Variants in KIF26B observed in about 807,000 individuals in gnomAD.
KIF26B encodes kinesin-like protein KIF26B.
Under a neutral mutation model 151.2 loss-of-function variants are expected in KIF26B, and 63 were observed. The observed-to-expected ratio is 0.42, with a 90% CI of 0.34 to 0.51. KIF26B has a LOEUF of 0.51. Among genes scored for constraint, KIF26B ranks in the 20% least tolerant of loss-of-function variants. The pLI, the probability that KIF26B is intolerant of heterozygous loss-of-function variation, is 0.07. For missense variants in KIF26B, 2,813 were observed against 2,913.6 expected (o/e 0.97, Z 0.79); for synonymous variants, 1,357 against 1,262.1 (o/e 1.08, Z -1.59).
rs577700349 is a variant in KIF26B at position 245,166,092 on chromosome 1, G to C, written c.465+9409G>C. Reference sequence around the variant, plus strand: ...TGGGCAAGCCTTGGTCTTTCTAAACGTGGTTATTCTCATCTCTACAGTGGG... The same window carrying C: ...TGGGCAAGCCTTGGTCTTTCTAAACCTGGTTATTCTCATCTCTACAGTGGG... On this transcript the variant is annotated intron_variant, in intron 2 of 14. Coordinates refer to ENST00000407071, the MANE Select transcript of KIF26B (RefSeq NM_018012.4). The surrounding 1 kb of genome is among the most constrained non-coding windows in gnomAD (Gnocchi z 4.5). 6.6e-6 allele frequency among the ~76,000 whole-genome samples: 1 copy of C among 152,312 alleles called. No individual in the cohort carries two copies. Among genetic ancestry groups the C allele is most frequent in the African/African-American group, 2.4e-5 (1 of 41,570 alleles).
chr1:245,305,831 G>T (rs533326851), intron 2 of KIF26B, among the ~76,000 whole-genome samples: 1 of 150,698 alleles, frequency 6.6e-6, no homozygotes, highest in African/African-American at 2.4e-5. Flanking sequence ...CCAGCTACTC[G>T]GGAGACTGAG....
intron 9 of KIF26B, among the ~76,000 whole-genome samples, chr1:245,628,503 T>C (rs1328777227): frequency 6.6e-6 from 1 of 152,064 alleles, no homozygotes; most frequent in Non-Finnish European, 1.5e-5. Flanking sequence ...ACAGAACCAA[T>C]GACAAAAACC....
intron 2 of KIF26B, among the ~76,000 whole-genome samples, chr1:245,307,942 A>G (rs756742778): frequency 6.6e-6 from 1 of 152,158 alleles, no homozygotes; most frequent in Non-Finnish European, 1.5e-5. Flanking sequence ...GGGTTTTACC[A>G]TGTTGGCCAG....
At chr1:245,456,673 T>G (rs1415879465) in intron 4 of KIF26B, among the ~76,000 whole-genome samples, 6 of 152,198 alleles carry the variant, frequency 3.9e-5, no homozygotes, top group African/African-American at 1.4e-4. Flanking sequence ...TTTTAAGAAC[T>G]CTAGGATTCT....
rs891173512 is a variant in KIF26B at position 245,156,416 on chromosome 1, G to A, written c.198G>A (p.Ser66=). The A allele has an allele frequency of 9.1e-6, 14 of 1,531,758 alleles. No homozygotes were observed. In the African/African-American group the frequency reaches 1.8e-4, roughly 20 times the overall value. The allele number at this position is 1,531,758 out of a possible 1,614,324, so 94.9% of individuals were successfully genotyped here. The change falls in exon 2 of 15, where the codon TCG becomes TCA. Residue 66 remains serine (S), a synonymous_variant. Coordinates refer to ENST00000407071, the MANE Select transcript of KIF26B (RefSeq NM_018012.4). ...GCGCGGGCTCAGCGCTCGGCTCCTC[G>A]GGGACCCCGTCTCCCGGCTCGGGCA... The part of the protein sequence containing the change: ...PEGAGSALGS[S]GTPSPGSGTS...
At chr1:245,537,906 G>A (rs1325547311) in intron 4 of KIF26B, among the ~76,000 whole-genome samples, 1 of 152,172 alleles carries the variant, frequency 6.6e-6, no homozygotes, top group Non-Finnish European at 1.5e-5. Context: ...TAGGCATTAA[G>A]GATGTTATTT....
rs769840833 is a variant in KIF26B, at chr1:245,419,709, C to T, written c.1130C>T (p.Ser377Phe). 1.2e-6 allele frequency: 2 copies of T among 1,613,414 alleles called. No homozygotes were observed. Among genetic ancestry groups the T allele is most frequent in the Non-Finnish European group, 1.7e-6 (2 of 1,179,600 alleles). ...SQGSCVASET[S>F]TGTSVAASFF... is the part of the protein sequence containing the mutation. ...GGCTCCTGCGTGGCCAGCGAGACTTCCACAGGCACATCGGTGGCCGCCTCC... is the reference window on the plus strand; with the variant it reads ...GGCTCCTGCGTGGCCAGCGAGACTTTCACAGGCACATCGGTGGCCGCCTCC... The change falls in exon 4 of 15, where the codon TCC becomes TTC. Residue 377 changes from serine to phenylalanine, a missense_variant. Around this residue, in one of 3 missense-constraint regions of KIF26B, gnomAD observed 676 missense variants for 688.1 expected, o/e 0.98. Transcript: ENST00000407071.
At position 245,201,876 on chromosome 1, in the gene KIF26B, G is replaced by C. The variant is rs192029083; in HGVS notation, c.465+45193G>C. 1.9e-4 allele frequency among the ~76,000 whole-genome samples: 29 copies of C among 152,300 alleles called. No individual in the cohort carries two copies. In the East Asian group the frequency reaches 4.1e-3, roughly 21 times the overall value. On this transcript the variant is annotated intron_variant, in intron 2 of 14. Transcript: ENST00000407071. ...AGCACAGGAGTACGACTGTATTTGA[G>C]GAGGCAGCTTGACTTCATGCTCCAG...
intron 5 of KIF26B, among the ~76,000 whole-genome samples, chr1:245,593,297 T>A (rs1052847881): frequency 6.6e-6 from 1 of 152,106 alleles, no homozygotes; most frequent in African/African-American, 2.4e-5. Context: ...CATTAGGTAT[T>A]TCTCCTAATG....
chr1:245,299,170 T>C (rs1410229958), intron 2 of KIF26B, among the ~76,000 whole-genome samples: 1 of 152,198 alleles, frequency 6.6e-6, no homozygotes, highest in Non-Finnish European at 1.5e-5. Flanking sequence ...ATTGTTTTTA[T>C]TCTGTTCCTT....
intron 2 of KIF26B, among the ~76,000 whole-genome samples, chr1:245,262,532 C>T (rs1413195121): frequency 6.6e-6 from 1 of 152,096 alleles, no homozygotes; most frequent in Non-Finnish European, 1.5e-5. Context: ...TGGCTCACTG[C>T]AACCCACACC....
chr1:245,639,747 T>C (rs2103179626), intron 9 of KIF26B, among the ~76,000 whole-genome samples: 1 of 152,122 alleles, frequency 6.6e-6, no homozygotes, highest in Non-Finnish European at 1.5e-5. Flanking sequence ...GAGCATGTTA[T>C]TCAATTTCCA....
intron 2 of KIF26B, among the ~76,000 whole-genome samples, chr1:245,219,378 C>G (rs1464678324): frequency 6.6e-6 from 1 of 151,852 alleles, no homozygotes; most frequent in East Asian, 2.0e-4. Flanking sequence ...CCCGGCCTCC[C>G]AAAGTGCTGG....
Position 245,248,904 on chromosome 1 carries a change from C to A in KIF26B, c.465+92221C>A, listed in dbSNP as rs982488200. Among the ~76,000 whole-genome samples the A allele has an allele frequency of 1.4e-4, 22 of 152,124 alleles. 1 individual carries two copies. The highest frequency in any genetic ancestry group is 4.4e-5 in the Non-Finnish European group (3 of 68,030). ...GAATATACTTAATATGTTCTGTTGTCTTGTGTATTGAAGGAGCCTTCATGG... is the reference window on the plus strand; with the variant it reads ...GAATATACTTAATATGTTCTGTTGTATTGTGTATTGAAGGAGCCTTCATGG... On this transcript the variant is annotated intron_variant, in intron 2 of 14. Transcript: ENST00000407071.
intron 2 of KIF26B, among the ~76,000 whole-genome samples, chr1:245,201,487 T>C (rs539942958): frequency 2.6e-5 from 4 of 152,358 alleles, no homozygotes; most frequent in African/African-American, 9.6e-5. Flanking sequence ...TGGTTTTTTC[T>C]GTGACCACTG....
At chr1:245,181,084 C>G (rs547163556) in intron 2 of KIF26B, among the ~76,000 whole-genome samples, 62 of 152,290 alleles carry the variant, frequency 4.1e-4, no homozygotes, top group African/African-American at 1.4e-3. Flanking sequence ...TGCCAAAGCT[C>G]TCAGCGACCT....
intron 4 of KIF26B, among the ~76,000 whole-genome samples, chr1:245,533,059 T>C (rs1305805154): frequency 6.6e-6 from 1 of 152,240 alleles, no homozygotes; most frequent in African/African-American, 2.4e-5. Flanking sequence ...CTGTTTATAA[T>C]CTGTTTTATT....
intron 2 of KIF26B, among the ~76,000 whole-genome samples, chr1:245,261,271 G>A (rs1462717302): frequency 6.6e-6 from 1 of 151,432 alleles, no homozygotes; most frequent in Non-Finnish European, 1.5e-5. Flanking sequence ...TCAGCCTCCC[G>A]AGTAGCTGGG....
At chr1:245,483,547 G>T (rs911243031) in intron 4 of KIF26B, among the ~76,000 whole-genome samples, 2 of 151,870 alleles carry the variant, frequency 1.3e-5, no homozygotes, top group African/African-American at 4.8e-5. Flanking sequence ...AATGAAGTTT[G>T]CGTTGTTAAC....
Sources: gnomAD v4.1 joint callset for allele counts (sites outside exome capture counted in the v4.1 genomes callset) on GRCh38, gnomAD v4.1.1 for gene constraint, gnomAD v4.1.1 regional missense constraint, Gnocchi (gnomAD v3.1) non-coding constraint, MANE v1.5 for transcripts, NCBI Gene and HGNC (gene_info 2026-07-23, HGNC 2026-07-21) for gene names.